The following KICS2 variants were observed in gnomAD, a reference collection of about 807,000 sequenced individuals.
The protein encoded by KICS2 is KICSTOR subunit 2, also known as KICSTOR complex protein C12orf66.
Under a neutral mutation model 31.4 loss-of-function variants are expected in KICS2, and 13 were observed. The ratio of observed to expected loss-of-function variants is 0.41; its 90% CI spans 0.27 to 0.66. The LOEUF (loss-of-function observed/expected upper bound fraction) is 0.66. KICS2 is among the 30% of genes least tolerant of loss of function. The pLI, the probability that KICS2 is intolerant of heterozygous loss-of-function variation, is 0.28. For synonymous variants in KICS2, 209 were observed against 214.8 expected, an observed-to-expected ratio of 0.97 and a Z score of 0.24; for missense variants, 455 against 545.4, an observed-to-expected ratio of 0.83 and a Z score of 1.65.
intron 1 of KICS2, chr12:64,221,451 T>C (rs2037682207): frequency 6.5e-6 from 1 of 154,222 alleles, no homozygotes. Context: ...GTGTTTACCA[T>C]TTTCCCCTTA....
At chr12:64,211,760 AAAAAAG>A (rs2037584545) in intron 2 of KICS2, among the ~76,000 whole-genome samples, 1 of 152,240 alleles carries the variant, frequency 6.6e-6, no homozygotes, top group Admixed American at 6.5e-5. Context: ...AACAATTTAA[AAAAAAG>A]AAAATTTAGA....
At chr12:64,213,181 G>C (rs909940929) in intron 2 of KICS2, among the ~76,000 whole-genome samples, 2 of 152,022 alleles carry the variant, frequency 1.3e-5, no homozygotes, top group Non-Finnish European at 2.9e-5. Context: ...GACTATGTAT[G>C]TATGTGGTTG....
At chr12:64,190,593 T>G (rs904229252), downstream of KICS2, among the ~76,000 whole-genome samples, 9 of 152,018 alleles carry the variant, frequency 5.9e-5, no homozygotes. Flanking sequence ...AGTGCGACCC[T>G]ATCTCTAAAA....
chr12:64,187,371 A>G, downstream of KICS2: 1 of 501,854 alleles, frequency 2.0e-6, no homozygotes, highest in Non-Finnish European at 3.5e-6. Context: ...CAGAAGGGGG[A>G]ACCCATTTGC....
At chr12:64,190,933 A>T (rs570394526), downstream of KICS2, 2 of 152,280 alleles carry the variant, frequency 1.3e-5, no homozygotes, top group East Asian at 3.9e-4. Flanking sequence ...CAAAGTTACA[A>T]ACCCTGTGTC....
downstream of KICS2, chr12:64,186,845 G>A (rs887655665): frequency 3.3e-5 from 5 of 152,138 alleles, no homozygotes; most frequent in African/African-American, 1.2e-4. Flanking sequence ...TAACATAGTT[G>A]ATGTTAAATT....
rs1592380678 is a variant in KICS2 at position 64,197,782 on chromosome 12, A to T, written c.522-3124T>A. Among the ~76,000 whole-genome samples the T allele has an allele frequency of 3.3e-5, 5 of 149,802 alleles. No homozygotes were observed. In the South Asian group the frequency reaches 1.1e-3, roughly 32 times the overall value. Reference sequence around the variant, plus strand: ...TCTACCAAGCAAATGGAAAACAAAAAAAGGCAGAGGTTGCAATCCTAGTCT... The same window carrying T: ...TCTACCAAGCAAATGGAAAACAAAATAAGGCAGAGGTTGCAATCCTAGTCT... On this transcript the variant is annotated intron_variant, in intron 2 of 2. Coordinates refer to ENST00000398055, the MANE Select transcript of KICS2 (RefSeq NM_152440.5).
intron 1 of KICS2, among the ~76,000 whole-genome samples, chr12:64,218,430 T>TA (rs906989908): frequency 2.6e-5 from 4 of 151,876 alleles, no homozygotes; most frequent in African/African-American, 7.3e-5. Flanking sequence ...GTGATAGAGC[T>TA]AAAAAAAACA....
chr12:64,191,827 T>C lies in KICS2; in HGVS notation c.*2015A>G, dbSNP rs1439044795. Reference sequence around the variant, plus strand: ...CAGTGGCACATGCTTATAAACCCAGTGCTTTGGGAGGCCGAGGCGGGAGGC... The same window carrying C: ...CAGTGGCACATGCTTATAAACCCAGCGCTTTGGGAGGCCGAGGCGGGAGGC... On this transcript the variant is annotated 3_prime_UTR_variant, in exon 3 of 3. Transcript: ENST00000398055. 2 of 151,986 alleles carry C rather than the reference T, an allele frequency of 1.3e-5. No individual in the cohort carries two copies. Among genetic ancestry groups the C allele is most frequent in the African/African-American group, 2.4e-5 (1 of 41,398 alleles). The allele number at this position is 151,986 out of a possible 1,614,324, so 9.4% of individuals were successfully genotyped here. A position where few individuals can be genotyped will look rare whatever the true frequency, so the allele number is the denominator to read the frequency against.
At position 64,194,100 on chromosome 12, in the gene KICS2, G is replaced by A. The variant is rs2037408597; in HGVS notation, c.1080C>T (p.His360=). Residue 360 remains histidine (H), a synonymous_variant, in exon 3 of 3, where the codon CAC becomes CAT. Coordinates refer to ENST00000398055, the MANE Select transcript of KICS2 (RefSeq NM_152440.5). ...VSLPSDRPVM[H]WPNVIMIMTD... is the part of the protein sequence containing the mutation. ...TCATGATCATGATGACATTGGGCCAGTGCATGACTGGCCTGTCGCTGGGCA... is the reference window on the plus strand; with the variant it reads ...TCATGATCATGATGACATTGGGCCAATGCATGACTGGCCTGTCGCTGGGCA... 1 of 1,614,178 alleles carries A rather than the reference G, an allele frequency of 6.2e-7. No individual in the cohort carries two copies. Among genetic ancestry groups the A allele is most frequent in the Non-Finnish European group, 8.5e-7 (1 of 1,180,040 alleles).
In KICS2 at chr12:64,192,508, G is replaced by A. The variant is rs1256584262; in HGVS notation, c.*1334C>T. 1 of 684,400 alleles carries A rather than the reference G, an allele frequency of 1.5e-6. No individual in the cohort carries two copies. Among genetic ancestry groups the A allele is most frequent in the African/African-American group, 2.0e-5 (1 of 51,032 alleles). 42.4% of individuals were successfully genotyped at this position (684,400 alleles called of 1,614,324 possible). On this transcript the variant is annotated 3_prime_UTR_variant, in exon 3 of 3. Coordinates refer to ENST00000398055, the MANE Select transcript of KICS2 (RefSeq NM_152440.5). ...TCTGAGGGGCTCTCTGGTCTCTGCTGATGTTGCTGGCATACCTGCTGTGGA... is the reference window on the plus strand; with the variant it reads ...TCTGAGGGGCTCTCTGGTCTCTGCTAATGTTGCTGGCATACCTGCTGTGGA...
downstream of KICS2, chr12:64,190,986 G>A (rs891526061): frequency 2.0e-5 from 3 of 152,060 alleles, no homozygotes; most frequent in Non-Finnish European, 4.4e-5. Flanking sequence ...TGGAACCCTT[G>A]GAAAACTCAG....
intron 2 of KICS2, among the ~76,000 whole-genome samples, chr12:64,206,060 G>A (rs1292337113): frequency 8.5e-5 from 13 of 152,110 alleles, no homozygotes; most frequent in East Asian, 3.9e-4. Flanking sequence ...CTGGGACTAC[G>A]GGCACACACC....
Position 64,192,954 on chromosome 12 carries a change from G to C in KICS2, c.*888C>G, listed in dbSNP as rs1041759800. On this transcript the variant is annotated 3_prime_UTR_variant, in exon 3 of 3. Coordinates refer to ENST00000398055, the MANE Select transcript of KICS2 (RefSeq NM_152440.5). ...TGATTTTATAAAAGTAGGCTATGTTGCATGAGTATCTAAAAGTGGCTGAAA... is the reference window on the plus strand; with the variant it reads ...TGATTTTATAAAAGTAGGCTATGTTCCATGAGTATCTAAAAGTGGCTGAAA... 215 of 985,446 alleles carry C rather than the reference G, an allele frequency of 2.2e-4. No individual in the cohort carries two copies. Among genetic ancestry groups the C allele is most frequent in the Admixed American group, 4.9e-4 (8 of 16,286 alleles). 61.0% of individuals were successfully genotyped at this position (985,446 alleles called of 1,614,324 possible). A position where few individuals can be genotyped will look rare whatever the true frequency, so the allele number is the denominator to read the frequency against.
downstream of KICS2, among the ~76,000 whole-genome samples, chr12:64,190,153 A>G (rs1412354431): frequency 6.6e-6 from 1 of 152,212 alleles, no homozygotes; most frequent in East Asian, 1.9e-4. Flanking sequence ...CAGGTTTGCC[A>G]CAGAATTGAA....
rs188106273 is a variant in KICS2, at chr12:64,219,241, T to G, written c.235+2762A>C. Among the ~76,000 whole-genome samples, 36 of 152,298 alleles carry G rather than the reference T, an allele frequency of 2.4e-4. No individual in the cohort carries two copies. In the East Asian group the frequency reaches 6.2e-3, roughly 26 times the overall value. ...TCTCAAGTTAAGTCATTTTCTACTA[T>G]GCTAAATTTCAGCAACCCAAGGTTG... On this transcript the variant is annotated intron_variant, in intron 1 of 2. Coordinates refer to ENST00000398055, the MANE Select transcript of KICS2 (RefSeq NM_152440.5).
chr12:64,211,582 G>C (rs977194007), intron 2 of KICS2, among the ~76,000 whole-genome samples: 1 of 152,038 alleles, frequency 6.6e-6, no homozygotes, highest in East Asian at 1.9e-4. Flanking sequence ...TCACGCCACT[G>C]CACTCCAGCC....
At chr12:64,197,309 G>C (rs1357544870) in intron 2 of KICS2, among the ~76,000 whole-genome samples, 9 of 146,218 alleles carry the variant, frequency 6.2e-5, no homozygotes, top group Non-Finnish European at 1.1e-4. Flanking sequence ...CATTCTTAAA[G>C]AAAAGAATTT....
At chr12:64,196,340 A>G (rs1232558586) in intron 2 of KICS2, among the ~76,000 whole-genome samples, 3 of 151,744 alleles carry the variant, frequency 2.0e-5, no homozygotes, top group African/African-American at 4.9e-5. Context: ...GCAGGGGCAG[A>G]CTGACACCTC....
Sources: gnomAD v4.1 joint callset for allele counts (sites outside exome capture counted in the v4.1 genomes callset) on GRCh38, gnomAD v4.1.1 for gene constraint, MANE v1.5 for transcripts, NCBI Gene and HGNC (gene_info 2026-07-23, HGNC 2026-07-21) for gene names.